ANK2: variants seen among roughly 807,000 people sequenced by gnomAD.
ANK2 encodes the protein ankyrin-2.
In ANK2, 83 loss-of-function variants were observed where a neutral mutation model predicts 360.5. The ratio of observed to expected loss-of-function variants is 0.23; its 90% CI spans 0.19 to 0.28. The LOEUF (loss-of-function observed/expected upper bound fraction) is 0.28. Among genes scored for constraint, ANK2 ranks in the 10% least tolerant of loss-of-function variants. The pLI, the probability that ANK2 is intolerant of heterozygous loss-of-function variation, is 1.00. For synonymous variants in ANK2, 1,740 were observed against 1,759.5 expected, an observed-to-expected ratio of 0.99 and a Z score of 0.28; for missense variants, 4,201 against 4,795.7, an observed-to-expected ratio of 0.88 and a Z score of 3.66.
chr4:113,013,870 T>G (rs2055626149), intron 2 of ANK2, among the ~76,000 whole-genome samples: 2 of 152,048 alleles, frequency 1.3e-5, no homozygotes, highest in South Asian at 4.1e-4. Flanking sequence ...AGCTTAAGGA[T>G]TTCATAAATC....
At chr4:113,038,504 C>G (rs1323636595) in intron 2 of ANK2, among the ~76,000 whole-genome samples, 1 of 151,966 alleles carries the variant, frequency 6.6e-6, no homozygotes, top group African/African-American at 2.4e-5. Flanking sequence ...TTCTCTCTCT[C>G]TGGCCTACTT....
chr4:112,733,589 C>T, the ANK2 span, among the ~76,000 whole-genome samples: 1 of 152,124 alleles, frequency 6.6e-6, no homozygotes, highest in Non-Finnish European at 1.5e-5. Context: ...GGTTTTTTCA[C>T]TGATACAGAC....
At chr4:112,967,021 G>T (rs2037553834) in intron 2 of ANK2, among the ~76,000 whole-genome samples, 1 of 152,140 alleles carries the variant, frequency 6.6e-6, no homozygotes, top group Admixed American at 6.5e-5. Flanking sequence ...ACATTAAGCA[G>T]TTCAGAGTAG....
intron 2 of ANK2, among the ~76,000 whole-genome samples, chr4:112,988,424 C>T (rs2045665391): frequency 6.6e-6 from 1 of 152,116 alleles, no homozygotes; most frequent in Non-Finnish European, 1.5e-5. Flanking sequence ...TCCATTTCAG[C>T]TCTCACTGGA....
chr4:113,309,631 A>G (rs532119521), intron 23 of ANK2, among the ~76,000 whole-genome samples: 45 of 152,018 alleles, frequency 3.0e-4, no homozygotes, highest in African/African-American at 1.0e-3. Context: ...CGATTCTCCC[A>G]CTTCAGCCTC....
chr4:113,378,072 C>A (rs1275791856), intron 45 of ANK2: 1 of 1,197,272 alleles, frequency 8.4e-7, no homozygotes, highest in Non-Finnish European at 1.1e-6. Context: ...TTTGTCTTTT[C>A]TTTTCTTCTT....
chr4:113,265,301 A>G (rs908535468), intron 14 of ANK2, among the ~76,000 whole-genome samples: 5 of 152,148 alleles, frequency 3.3e-5, no homozygotes, highest in Admixed American at 1.3e-4. Flanking sequence ...ATATCTCTTT[A>G]TTTTCATGAA....
chr4:113,308,689 G>T (rs542805477), intron 23 of ANK2, among the ~76,000 whole-genome samples: 2 of 152,304 alleles, frequency 1.3e-5, no homozygotes, highest in South Asian at 4.1e-4. Flanking sequence ...TGATAAGTTT[G>T]ATTGTTAACA....
At chr4:112,723,214 G>T in the ANK2 span, among the ~76,000 whole-genome samples, 4 of 152,312 alleles carry the variant, frequency 2.6e-5, no homozygotes, top group Admixed American at 2.6e-4. Context: ...CTTATGTTTA[G>T]TTTCATTACT....
rs139656907 is a variant in ANK2 at position 113,356,526 on chromosome 4, A to G, written c.7908A>G (p.Glu2636=). The G allele has an allele frequency of 6.9e-5, 111 of 1,614,164 alleles. No homozygotes were observed. The East Asian group carries it at 1.2e-3, about 18-fold the overall frequency. The change falls in exon 38 of 46, where the codon GAA becomes GAG. Residue 2636 remains glutamate, a synonymous_variant. Transcript: ENST00000357077. The stretch of plus-strand genomic sequence containing the variant: ...CTGACTGTTCAGTAGATGTGGATGA[A>G]CCAAAACATACAGGCAGTGGGGAGG... ...PDADCSVDVD[E]PKHTGSGEDE...
At chr4:112,764,868 G>C in the ANK2 span, among the ~76,000 whole-genome samples, 1 of 151,692 alleles carries the variant, frequency 6.6e-6, no homozygotes. Context: ...CCACCACCCT[G>C]GCTAATTTTG....
At chr4:113,102,147 A>T (rs1581622987) in intron 1 of ANK2, among the ~76,000 whole-genome samples, 2 of 152,046 alleles carry the variant, frequency 1.3e-5, no homozygotes, top group Admixed American at 1.3e-4. Flanking sequence ...AGGGTAGCTG[A>T]TAGGATGTTA....
chr4:113,195,239 C>T (rs998258774), intron 2 of ANK2, among the ~76,000 whole-genome samples: 6 of 151,884 alleles, frequency 4.0e-5, no homozygotes, highest in South Asian at 2.1e-4. Flanking sequence ...GATTTCAATT[C>T]GGTGGTCAGG....
At chr4:112,957,596 C>T (rs1433171611) in intron 2 of ANK2, among the ~76,000 whole-genome samples, 3 of 150,850 alleles carry the variant, frequency 2.0e-5, no homozygotes, top group African/African-American at 7.3e-5. Flanking sequence ...GGCGGCCGGG[C>T]AGAGGCGCCC....
chr4:113,130,080 T>C (rs910439838), intron 1 of ANK2, among the ~76,000 whole-genome samples: 8 of 152,228 alleles, frequency 5.3e-5, no homozygotes, highest in African/African-American at 1.7e-4. Context: ...TCTGTTTCAG[T>C]GTTAATAATT....
At chr4:113,208,867 C>T (rs147329561) in intron 4 of ANK2, among the ~76,000 whole-genome samples, 7 of 151,968 alleles carry the variant, frequency 4.6e-5, no homozygotes, top group Non-Finnish European at 7.4e-5. Context: ...GCTTGTTATA[C>T]ATCCCTAAAA....
At chr4:113,012,422 T>C (rs1184801907) in intron 2 of ANK2, among the ~76,000 whole-genome samples, 2 of 152,160 alleles carry the variant, frequency 1.3e-5, no homozygotes, top group African/African-American at 2.4e-5. Context: ...GTCTTTCCTT[T>C]CAGAGAATAA....
At chr4:113,242,848 A>G (rs1475648127) in intron 9 of ANK2, among the ~76,000 whole-genome samples, 4 of 152,194 alleles carry the variant, frequency 2.6e-5, no homozygotes, top group African/African-American at 9.6e-5. Context: ...TTAAAAGTGC[A>G]GAATAAAGGC....
At chr4:113,111,338 G>A (rs748330182) in intron 1 of ANK2, among the ~76,000 whole-genome samples, 32 of 152,148 alleles carry the variant, frequency 2.1e-4, no homozygotes, top group Non-Finnish European at 4.3e-4. Flanking sequence ...CCCTTGAGAT[G>A]CTAAAGCTGT....
Sources: allele counts gnomAD v4.1 joint callset (sites outside exome capture counted in the v4.1 genomes callset), GRCh38; gene constraint gnomAD v4.1.1; transcripts MANE v1.5; gene names NCBI Gene and HGNC (gene_info 2026-07-23, HGNC 2026-07-21).